Variants in CDC14B observed in about 807,000 individuals in gnomAD.
The protein encoded by CDC14B is dual specificity protein phosphatase CDC14B.
A neutral mutation model predicts 64.2 loss-of-function variants in CDC14B; 22 were observed. The observed-to-expected ratio is 0.34, with a 90% CI of 0.24 to 0.49. The LOEUF (loss-of-function observed/expected upper bound fraction) is 0.49. Among genes scored for constraint, CDC14B ranks in the 20% least tolerant of loss-of-function variants. The pLI, the probability that CDC14B is intolerant of heterozygous loss-of-function variation, is 0.99. For missense variants in CDC14B, 498 were observed against 629.9 expected (o/e 0.79, Z 2.24); for synonymous variants, 191 against 215.8 (o/e 0.89, Z 1.01).
At chr9:96,529,945 C>T (rs1358226248) in intron 9 of CDC14B, among the ~76,000 whole-genome samples, 1 of 152,130 alleles carries the variant, frequency 6.6e-6, no homozygotes, top group Non-Finnish European at 1.5e-5. Flanking sequence ...GACAGGCTTG[C>T]ATTGAATCTG....
At chr9:96,519,730 TAAAAAA>T (rs59101582) in intron 12 of CDC14B, among the ~76,000 whole-genome samples, 10,386 of 111,304 alleles carry the variant, frequency 0.093, 1,316 homozygotes, top group African/African-American at 0.3. Context: ...GACTCTGTCT[TAAAAAA>T]AAAAAAAAAA....
chr9:96,530,747 G>A (rs12350790), intron 9 of CDC14B, among the ~76,000 whole-genome samples: 1 of 151,434 alleles, frequency 6.6e-6, no homozygotes, highest in Non-Finnish European at 1.5e-5. Flanking sequence ...TTCTTCATGA[G>A]CTTAGAGGAA....
intron 9 of CDC14B, among the ~76,000 whole-genome samples, chr9:96,528,798 A>C (rs908473875): frequency 6.6e-6 from 1 of 152,244 alleles, no homozygotes; most frequent in Non-Finnish European, 1.5e-5. Context: ...GATAACAGCC[A>C]TCCCAATGGG....
At chr9:96,507,271 A>G (rs1254429691) in intron 13 of CDC14B, among the ~76,000 whole-genome samples, 5 of 151,404 alleles carry the variant, frequency 3.3e-5, no homozygotes, top group Non-Finnish European at 5.9e-5. Flanking sequence ...GAGCCGAGAA[A>G]ACACTACTGC....
intron 11 of CDC14B, among the ~76,000 whole-genome samples, chr9:96,522,969 C>T (rs2131545080): frequency 6.6e-6 from 1 of 152,314 alleles, no homozygotes; most frequent in South Asian, 2.1e-4. Context: ...TTTCCTAAAT[C>T]AGCTGTTGTG....
intron 1 of CDC14B, among the ~76,000 whole-genome samples, chr9:96,618,185 C>T (rs1187596277): frequency 6.6e-6 from 1 of 152,218 alleles, no homozygotes; most frequent in African/African-American, 2.4e-5. Context: ...CTAAACACTT[C>T]CACTTAATGT....
chr9:96,496,451 A>C, downstream of CDC14B: 1 of 437,608 alleles, frequency 2.3e-6, no homozygotes, highest in South Asian at 1.6e-5. Flanking sequence ...GTGGACGGCA[A>C]GGACTAGCTT....
At chr9:96,593,190 T>C (rs1317310123) in intron 1 of CDC14B, among the ~76,000 whole-genome samples, 1 of 151,888 alleles carries the variant, frequency 6.6e-6, no homozygotes, top group Non-Finnish European at 1.5e-5. Context: ...ACTTCAGCAG[T>C]CAAAAAGCCA....
downstream of CDC14B, chr9:96,496,086 T>TC (rs753717676): frequency 1.9e-4 from 68 of 350,638 alleles, no homozygotes; most frequent in Non-Finnish European, 3.2e-4. Context: ...GGAATGGGCC[T>TC]CCTACCATCC....
chr9:96,607,578 G>A (rs548032841), intron 1 of CDC14B, among the ~76,000 whole-genome samples: 2 of 151,750 alleles, frequency 1.3e-5, no homozygotes, highest in South Asian at 4.2e-4. Context: ...CTGCCACCAC[G>A]CCTGGCTAAT....
chr9:96,607,728 G>A (rs1425893039), intron 1 of CDC14B, among the ~76,000 whole-genome samples: 1 of 152,124 alleles, frequency 6.6e-6, no homozygotes, highest in African/African-American at 2.4e-5. Context: ...CGGCCAATGT[G>A]ATGTCTTCAT....
At chr9:96,618,973 G>C (rs1847813603) in intron 1 of CDC14B, among the ~76,000 whole-genome samples, 1 of 152,138 alleles carries the variant, frequency 6.6e-6, no homozygotes, top group African/African-American at 2.4e-5. Flanking sequence ...CATCTTGCTG[G>C]TGGAGGAGGG....
intron 11 of CDC14B, among the ~76,000 whole-genome samples, chr9:96,522,869 T>C (rs1467503683): frequency 2.0e-5 from 3 of 152,116 alleles, no homozygotes. Context: ...CTTTTTAAAA[T>C]CTCAGTGTAC....
intron 1 of CDC14B, among the ~76,000 whole-genome samples, chr9:96,589,104 G>A (rs1845630711): frequency 6.6e-6 from 1 of 152,152 alleles, no homozygotes; most frequent in Non-Finnish European, 1.5e-5. Context: ...GGGAGGCCGA[G>A]GCAGGTAGAT....
chr9:96,517,423 C>T (rs1160762881), intron 12 of CDC14B, among the ~76,000 whole-genome samples: 15 of 148,460 alleles, frequency 1.0e-4, no homozygotes, highest in Non-Finnish European at 1.9e-4. Flanking sequence ...GAGGCTGAGG[C>T]GGGCGGATCA....
intron 4 of CDC14B, among the ~76,000 whole-genome samples, chr9:96,556,944 G>GT (rs1195863583): frequency 6.6e-6 from 1 of 152,168 alleles, no homozygotes; most frequent in Non-Finnish European, 1.5e-5. Flanking sequence ...TCCTCTGGCC[G>GT]TATTTATAGA....
chr9:96,511,914 C>T (rs56044326), intron 12 of CDC14B, among the ~76,000 whole-genome samples: 7,849 of 152,132 alleles, frequency 0.052, 694 homozygotes, highest in African/African-American at 0.18. Context: ...ACATTTTAAG[C>T]AATTCCCACA....
At chr9:96,581,286 T>C (rs1030737650) in intron 1 of CDC14B, among the ~76,000 whole-genome samples, 25 of 148,456 alleles carry the variant, frequency 1.7e-4, no homozygotes, top group Admixed American at 1.6e-3. Context: ...AAGAAGAAAA[T>C]AAATAAATAA....
intron 4 of CDC14B, among the ~76,000 whole-genome samples, chr9:96,555,885 T>C (rs1205384672): frequency 6.6e-6 from 1 of 152,036 alleles, no homozygotes; most frequent in African/African-American, 2.4e-5. Context: ...CCAGAGTCCC[T>C]GTGAGAACGC....
Sources: gnomAD v4.1 joint callset for allele counts (sites outside exome capture counted in the v4.1 genomes callset) on GRCh38, gnomAD v4.1.1 for gene constraint, MANE v1.5 for transcripts, NCBI Gene and HGNC (gene_info 2026-07-23, HGNC 2026-07-21) for gene names.